CDH13: variants seen among roughly 807,000 people sequenced by gnomAD.
CDH13 encodes cadherin 13, also known as cadherin-13.
Under a neutral mutation model 63.8 loss-of-function variants are expected in CDH13, and 24 were observed. The observed-to-expected ratio is 0.38, with a 90% CI of 0.27 to 0.53. The LOEUF (loss-of-function observed/expected upper bound fraction) is 0.53. CDH13 is among the 20% of genes least tolerant of loss of function. The probability of loss-of-function intolerance (pLI) is 0.85; values close to 1 mark genes in which losing one functional copy is unlikely to be tolerated. For synonymous variants in CDH13, 503 were observed against 355.3 expected, an observed-to-expected ratio of 1.42 and a Z score of -4.67; for missense variants, 1,049 against 903.1, an observed-to-expected ratio of 1.16 and a Z score of -2.07.
chr16:83,499,693 A>G (rs2074226445), intron 7 of CDH13, among the ~76,000 whole-genome samples: 1 of 152,258 alleles, frequency 6.6e-6, no homozygotes, highest in Non-Finnish European at 1.5e-5. Context: ...GAATTAATAC[A>G]GCACATGCTT....
intron 10 of CDH13, among the ~76,000 whole-genome samples, chr16:83,700,146 C>T (rs984343108): frequency 1.3e-5 from 2 of 152,184 alleles, no homozygotes; most frequent in African/African-American, 4.8e-5. Context: ...GATTAGTGTA[C>T]ATTTTGTAGA....
intron 2 of CDH13, among the ~76,000 whole-genome samples, chr16:83,027,102 A>ACCCCCCCCCCCCCCCC (rs79185242): frequency 6.9e-5 from 7 of 100,898 alleles, no homozygotes; most frequent in Admixed American, 3.2e-4. Context: ...CAGAAGGGAG[A>ACCCCCCCCCCCCCCCC]CCCCCCCCCC....
chr16:83,145,628 T>C (rs1273069855), intron 4 of CDH13, among the ~76,000 whole-genome samples: 1 of 152,018 alleles, frequency 6.6e-6, no homozygotes, highest in Non-Finnish European at 1.5e-5. Context: ...CATTTTTTCT[T>C]TGAAGAACAT....
intron 3 of CDH13, among the ~76,000 whole-genome samples, chr16:83,041,943 T>G (rs1439550861): frequency 6.6e-6 from 1 of 152,198 alleles, no homozygotes; most frequent in Non-Finnish European, 1.5e-5. Flanking sequence ...GCCAGTAAGT[T>G]GCTATCACTT....
chr16:82,846,030 G>T (rs2039242197), intron 1 of CDH13, among the ~76,000 whole-genome samples: 1 of 152,196 alleles, frequency 6.6e-6, no homozygotes, highest in East Asian at 1.9e-4. Context: ...CAAACTGAAG[G>T]AGGGCATGCA....
intron 2 of CDH13, among the ~76,000 whole-genome samples, chr16:82,930,692 C>T (rs575369042): frequency 5.9e-5 from 9 of 151,854 alleles, no homozygotes; most frequent in Non-Finnish European, 8.8e-5. Flanking sequence ...GTAGTTATGC[C>T]CTCAGATAAA....
intron 2 of CDH13, among the ~76,000 whole-genome samples, chr16:83,024,502 T>C (rs1221160233): frequency 6.6e-6 from 1 of 152,154 alleles, no homozygotes; most frequent in Non-Finnish European, 1.5e-5. Context: ...GTGTGGGCTC[T>C]AGAACCAGAA....
chr16:83,460,764 C>T (rs928038982), intron 6 of CDH13, among the ~76,000 whole-genome samples: 16 of 150,644 alleles, frequency 1.1e-4, no homozygotes, highest in African/African-American at 1.7e-4. Context: ...GAGGCCGAGG[C>T]GGGAGGATTG....
At chr16:83,558,624 A>G (rs1305726430) in intron 7 of CDH13, among the ~76,000 whole-genome samples, 2 of 150,474 alleles carry the variant, frequency 1.3e-5, no homozygotes, top group East Asian at 1.9e-4. Flanking sequence ...TATGAATGCA[A>G]GTGGAACTTT....
intron 5 of CDH13, among the ~76,000 whole-genome samples, chr16:83,325,075 G>A (rs1346162204): frequency 6.6e-6 from 1 of 152,126 alleles, no homozygotes; most frequent in Non-Finnish European, 1.5e-5. Flanking sequence ...GACCTTCTCT[G>A]AACAGCCTTC....
At chr16:83,032,422 C>G (rs535228566) in intron 3 of CDH13, 3 of 563,214 alleles carry the variant, frequency 5.3e-6, no homozygotes, top group African/African-American at 3.8e-5. Context: ...AGGCATAGTT[C>G]GTGGATTAAT....
intron 1 of CDH13, among the ~76,000 whole-genome samples, chr16:82,819,331 G>C (rs2037883517): frequency 6.6e-6 from 1 of 152,170 alleles, no homozygotes; most frequent in African/African-American, 2.4e-5. Context: ...ACCAGCCAGG[G>C]ACAGTGACAC....
chr16:83,098,667 C>A (rs2034324561), intron 3 of CDH13, among the ~76,000 whole-genome samples: 1 of 152,194 alleles, frequency 6.6e-6, no homozygotes. Context: ...TTGAGCATTT[C>A]AACGGTTCAC....
chr16:82,907,292 C>T (rs774598203), intron 2 of CDH13, among the ~76,000 whole-genome samples: 25 of 152,216 alleles, frequency 1.6e-4, no homozygotes, highest in African/African-American at 4.8e-4. Flanking sequence ...CAGTGACCCC[C>T]GCTGCCCCCT....
intron 10 of CDH13, among the ~76,000 whole-genome samples, chr16:83,715,682 C>G (rs990502880): frequency 1.3e-5 from 2 of 152,144 alleles, no homozygotes; most frequent in Admixed American, 1.3e-4. Context: ...TCAGGGGAGC[C>G]CTGGTGGACA....
chr16:82,945,829 G>T (rs1333811165), intron 2 of CDH13, among the ~76,000 whole-genome samples: 18 of 152,136 alleles, frequency 1.2e-4, no homozygotes, highest in Admixed American at 1.2e-3. Context: ...GAGGCACCGT[G>T]TTAGAGAGTC....
chr16:82,659,546 C>T (rs531457610), intron 1 of CDH13, among the ~76,000 whole-genome samples: 10 of 152,160 alleles, frequency 6.6e-5, no homozygotes, highest in East Asian at 1.9e-4. Context: ...TATACTCAAA[C>T]ATGTATAATC....
intron 10 of CDH13, among the ~76,000 whole-genome samples, chr16:83,727,857 C>T (rs1910591713): frequency 6.6e-6 from 1 of 151,994 alleles, no homozygotes; most frequent in Non-Finnish European, 1.5e-5. Context: ...GGGGCGTTGG[C>T]GGGGAGGGCA....
At chr16:83,121,098 G>C (rs1348479543) in intron 3 of CDH13, among the ~76,000 whole-genome samples, 1 of 151,968 alleles carries the variant, frequency 6.6e-6, no homozygotes, top group Non-Finnish European at 1.5e-5. Flanking sequence ...GTTCGTTTTG[G>C]GTGGTTGGCT....
Sources: gnomAD v4.1 joint callset for allele counts (sites outside exome capture counted in the v4.1 genomes callset) on GRCh38, gnomAD v4.1.1 for gene constraint, MANE v1.5 for transcripts, NCBI Gene and HGNC (gene_info 2026-07-23, HGNC 2026-07-21) for gene names.